Variants in LRRC20 observed in about 807,000 individuals in gnomAD.
LRRC20 encodes leucine rich repeat containing 20.
In LRRC20, 11 loss-of-function variants were observed where a neutral mutation model predicts 14.4. The ratio of observed to expected loss-of-function variants is 0.77; its 90% CI spans 0.48 to 1.27. The LOEUF (loss-of-function observed/expected upper bound fraction) is 1.27. LRRC20 is among the 50% of genes most tolerant of loss of function. The pLI is 0.00. For missense variants in LRRC20, 219 were observed against 251.2 expected (o/e 0.87, Z 0.87); for synonymous variants, 121 against 107.3 (o/e 1.13, Z -0.79).
intron 2 of LRRC20, among the ~76,000 whole-genome samples, chr10:70,346,455 T>C (rs1199298545): frequency 6.6e-6 from 1 of 152,200 alleles, no homozygotes; most frequent in Non-Finnish European, 1.5e-5. Flanking sequence ...GTTTCCCCTA[T>C]GGAAAATCCT....
chr10:70,375,724 T>C (rs1844483111), intron 2 of LRRC20, among the ~76,000 whole-genome samples: 1 of 152,000 alleles, frequency 6.6e-6, no homozygotes, highest in Non-Finnish European at 1.5e-5. Context: ...GTGACATACA[T>C]GCACATGCAC....
At chr10:70,338,604 A>C (rs1842796670) in intron 3 of LRRC20, among the ~76,000 whole-genome samples, 1 of 152,004 alleles carries the variant, frequency 6.6e-6, no homozygotes. Flanking sequence ...ATGAACATCC[A>C]CGTGTAATGT....
rs1204041630 is a variant in LRRC20 at position 70,376,569 on chromosome 10, G to C, written c.-36C>G. ...GTGTCCTGCCGCCAGCCCCCAGGCTGGTCTGCTTCTCACAAAAGGGCCTGA... is the reference window on the plus strand; with the variant it reads ...GTGTCCTGCCGCCAGCCCCCAGGCTCGTCTGCTTCTCACAAAAGGGCCTGA... On this transcript the variant is annotated 5_prime_UTR_variant, in exon 2 of 5. Coordinates refer to ENST00000446961, the MANE Select transcript of LRRC20 (RefSeq NM_001278212.2). The C allele has an allele frequency of 1.0e-5, 16 of 1,601,044 alleles. No homozygotes were observed. The African/African-American group carries it at 2.0e-4, about 20-fold the overall frequency.
chr10:70,318,392 C>T (rs10823521), intron 4 of LRRC20, among the ~76,000 whole-genome samples: 36,106 of 152,102 alleles, frequency 0.24, 5,465 homozygotes, highest in Non-Finnish European at 0.33. Flanking sequence ...TAAGGTGAAA[C>T]AGGACAAGGG....
rs572564387 is a variant in LRRC20, at chr10:70,370,742, C to CA, written c.82+5709dup. Among the ~76,000 whole-genome samples the CA allele has an allele frequency of 1.7e-4, 26 of 151,488 alleles. No individual in the cohort carries two copies. In the South Asian group the frequency reaches 4.2e-3, roughly 24 times the overall value. On this transcript the variant is annotated intron_variant, in intron 2 of 4. Transcript: ENST00000446961. Reference sequence around the variant, plus strand: ...TAGGCAACAGAGTGGGACTCCATTTCAAAAAAAAGAAAAAGCAGTAAAGAT... The same window carrying CA: ...TAGGCAACAGAGTGGGACTCCATTTCAAAAAAAAAGAAAAAGCAGTAAAGAT...
intron 2 of LRRC20, among the ~76,000 whole-genome samples, chr10:70,355,431 G>C (rs866445630): frequency 1.3e-5 from 2 of 152,132 alleles, no homozygotes; most frequent in South Asian, 2.1e-4. Context: ...AAGGGCATGG[G>C]AGGAAGAGCT....
chr10:70,375,492 G>C (rs936621223), intron 2 of LRRC20, among the ~76,000 whole-genome samples: 1 of 151,946 alleles, frequency 6.6e-6, no homozygotes, highest in Non-Finnish European at 1.5e-5. Flanking sequence ...CTCTGCCTCT[G>C]ACTGCCTTTC....
intron 3 of LRRC20, among the ~76,000 whole-genome samples, chr10:70,338,549 T>C (rs568968568): frequency 6.6e-6 from 1 of 152,356 alleles, no homozygotes; most frequent in South Asian, 2.1e-4. Flanking sequence ...GACATTTGGG[T>C]TGTTTCCACT....
Position 70,323,892 on chromosome 10 carries a change from GTC to G in LRRC20, c.369_370del (p.Glu123AspfsTer48). The G allele has an allele frequency of 6.2e-7, 1 of 1,614,184 alleles. No homozygotes were observed. The highest frequency in any genetic ancestry group is 8.5e-7 in the Non-Finnish European group (1 of 1,180,030). On this transcript the variant is annotated frameshift_variant, in exon 4 of 5. Transcript: ENST00000446961. LOFTEE classifies it high-confidence loss of function. ...GATCTCGTTCTCCTCCAGGTTGATG[GTC>G]TCCAGCGCCGGCAGGGCGGTAAGCT...
At chr10:70,320,345 A>AGATAGATAGATC (rs796366410) in intron 4 of LRRC20, among the ~76,000 whole-genome samples, 11 of 148,662 alleles carry the variant, frequency 7.4e-5, no homozygotes, top group South Asian at 2.1e-4. Flanking sequence ...ATAGATAGAT[A>AGATAGATAGATC]GATCTGTGCA....
chr10:70,301,091 G>A lies in LRRC20; in HGVS notation c.*263C>T, dbSNP rs1285000505. The A allele has an allele frequency of 7.7e-6, 10 of 1,292,264 alleles. No individual in the cohort carries two copies. Among genetic ancestry groups the A allele is most frequent in the South Asian group, 4.6e-5 (2 of 43,424 alleles). 80.0% of individuals were successfully genotyped at this position (1,292,264 alleles called of 1,614,324 possible). On this transcript the variant is annotated 3_prime_UTR_variant, in exon 5 of 5. Transcript: ENST00000446961. ...TTTTCAAGTGACAAGGCTCAGAGAGGGCAGGAGATCTGCCTGAGTTTGCAC... is the reference window on the plus strand; with the variant it reads ...TTTTCAAGTGACAAGGCTCAGAGAGAGCAGGAGATCTGCCTGAGTTTGCAC...
chr10:70,371,087 T>G (rs1235773437), intron 2 of LRRC20, among the ~76,000 whole-genome samples: 5 of 152,102 alleles, frequency 3.3e-5, no homozygotes, highest in Non-Finnish European at 7.4e-5. Context: ...AAATCAGATT[T>G]TTTTTTTCAG....
intron 3 of LRRC20, among the ~76,000 whole-genome samples, chr10:70,328,304 GT>G (rs1020912177): frequency 1.4e-5 from 2 of 145,486 alleles, no homozygotes; most frequent in Non-Finnish European, 1.5e-5. Flanking sequence ...GTTTTTTGGC[GT>G]TTTTTTTTTG....
At chr10:70,336,058 C>A (rs1842717704) in intron 3 of LRRC20, among the ~76,000 whole-genome samples, 1 of 152,196 alleles carries the variant, frequency 6.6e-6, no homozygotes, top group Admixed American at 6.5e-5. Flanking sequence ...TCCTCCGGGG[C>A]CACGTCCAGT....
In LRRC20 at chr10:70,310,240, T is replaced by C. The variant is rs1311603002; in HGVS notation, c.401-8732A>G. 2.0e-5 allele frequency among the ~76,000 whole-genome samples: 3 copies of C among 152,198 alleles called. No individual in the cohort carries two copies. The East Asian group carries it at 5.8e-4, about 29-fold the overall frequency. On this transcript the variant is annotated intron_variant, in intron 4 of 4. Coordinates refer to ENST00000446961, the MANE Select transcript of LRRC20 (RefSeq NM_001278212.2). ...AAGATCATTTATGCTCACAGCATCC[T>C]GACAAGAGAGGGAGATAGCTGGAGG...
At chr10:70,306,239 C>T (rs908404256) in intron 4 of LRRC20, among the ~76,000 whole-genome samples, 30 of 152,006 alleles carry the variant, frequency 2.0e-4, no homozygotes, top group African/African-American at 7.0e-4. Context: ...TCTTACATAA[C>T]CACAGTGCAG....
At chr10:70,316,159 G>T in intron 4 of LRRC20, among the ~76,000 whole-genome samples, 1 of 152,092 alleles carries the variant, frequency 6.6e-6, no homozygotes, top group Non-Finnish European at 1.5e-5. Flanking sequence ...TTGAGACATA[G>T]TCTGGCTCTG....
intron 4 of LRRC20, among the ~76,000 whole-genome samples, chr10:70,312,385 T>C (rs949143296): frequency 6.8e-6 from 1 of 146,666 alleles, no homozygotes; most frequent in African/African-American, 2.5e-5. Flanking sequence ...CACACACACA[T>C]CTCTCAGACC....
At chr10:70,341,282 A>G (rs1842903714) in intron 2 of LRRC20, among the ~76,000 whole-genome samples, 1 of 152,048 alleles carries the variant, frequency 6.6e-6, no homozygotes, top group African/African-American at 2.4e-5. Context: ...CAGTCACTCC[A>G]CTCTTAGGTA....
Sources: allele counts gnomAD v4.1 joint callset (sites outside exome capture counted in the v4.1 genomes callset), GRCh38; gene constraint gnomAD v4.1.1; transcripts MANE v1.5; gene names NCBI Gene and HGNC (gene_info 2026-07-23, HGNC 2026-07-21).